The following BANK1 variants were observed in gnomAD, a reference collection of about 807,000 sequenced individuals.
BANK1 encodes the protein B cell scaffold protein with ankyrin repeats 1.
BANK1 carries 95 observed loss-of-function variants against 94.5 expected under a neutral mutation model. That is an observed-to-expected ratio of 1.00 (90% confidence interval 0.85 to 1.19). BANK1 has a LOEUF of 1.19. Ranked by LOEUF, BANK1 falls within the 50% of genes most tolerant of loss-of-function variation. The pLI, the probability that BANK1 is intolerant of heterozygous loss-of-function variation, is 0.00. For synonymous variants in BANK1, 334 were observed against 308.4 expected (o/e 1.08, Z -0.87); for missense variants, 987 against 932.2 (o/e 1.06, Z -0.77).
chr4:101,898,112 A>G (rs1228335362), intron 6 of BANK1, among the ~76,000 whole-genome samples: 2 of 151,948 alleles, frequency 1.3e-5, no homozygotes, highest in African/African-American at 4.8e-5. Context: ...AAGAATCTCC[A>G]TAACATTAAG....
At chr4:102,008,130 C>A (rs559467375) in intron 7 of BANK1, among the ~76,000 whole-genome samples, 1 of 152,190 alleles carries the variant, frequency 6.6e-6, no homozygotes, top group South Asian at 2.1e-4. Context: ...AAGATAGCAC[C>A]ATGTTGTAGT....
intron 7 of BANK1, among the ~76,000 whole-genome samples, chr4:101,988,474 C>G (rs1027427378): frequency 6.6e-6 from 1 of 152,110 alleles, no homozygotes; most frequent in Admixed American, 6.6e-5. Context: ...TTTGTTCACT[C>G]TTCTCTTTTA....
chr4:102,071,776 G>C (rs921993416), intron 14 of BANK1, among the ~76,000 whole-genome samples: 2 of 152,204 alleles, frequency 1.3e-5, no homozygotes, highest in East Asian at 1.9e-4. Flanking sequence ...GTGATGGGGG[G>C]ATTGTGTGCT....
intron 11 of BANK1, among the ~76,000 whole-genome samples, chr4:102,057,242 C>T (rs1303396612): frequency 6.6e-6 from 1 of 150,398 alleles, no homozygotes; most frequent in Non-Finnish European, 1.5e-5. Context: ...CTCTCTCTTG[C>T]TCTCTCTCTC....
intron 4 of BANK1, among the ~76,000 whole-genome samples, chr4:101,864,743 C>T (rs1728004190): frequency 6.6e-6 from 1 of 152,106 alleles, no homozygotes; most frequent in African/African-American, 2.4e-5. Context: ...TGCTTAGGTT[C>T]AACGAAGAAT....
At chr4:101,824,058 TA>T (rs1187085317) in intron 1 of BANK1, among the ~76,000 whole-genome samples, 1 of 152,236 alleles carries the variant, frequency 6.6e-6, no homozygotes, top group African/African-American at 2.4e-5. Context: ...TACAATTCAA[TA>T]CCATTGGGAC....
intron 7 of BANK1, among the ~76,000 whole-genome samples, chr4:101,946,798 G>C (rs1490246260): frequency 6.6e-6 from 1 of 151,876 alleles, no homozygotes; most frequent in African/African-American, 2.4e-5. Flanking sequence ...TAAACCTATG[G>C]AATAACAAAT....
intron 5 of BANK1, among the ~76,000 whole-genome samples, chr4:101,880,046 C>T (rs1471662385): frequency 1.3e-5 from 2 of 152,020 alleles, no homozygotes; most frequent in South Asian, 2.1e-4. Context: ...AAGATGCCCA[C>T]TTTCACCATT....
intron 7 of BANK1, among the ~76,000 whole-genome samples, chr4:101,920,341 G>A (rs1722962819): frequency 6.6e-6 from 1 of 151,904 alleles, no homozygotes; most frequent in African/African-American, 2.4e-5. Context: ...TGTGTGTTGT[G>A]CACATGTACC....
rs34539828 is a variant in BANK1, at chr4:102,021,608, T to TTA, written c.1285+28_1285+29dup. The TTA allele has an allele frequency of 0.25, 235,721 of 956,432 alleles. 26,371 individuals carry two copies. The highest frequency in any genetic ancestry group is 0.27 in the Non-Finnish European group (177,922 of 656,884). 59.2% of individuals were successfully genotyped at this position (956,432 alleles called of 1,614,324 possible). Reference sequence around the variant, plus strand: ...TATATTCCTTGTAAGTTTTTCCATGTTATATATATATATGACATATTCATA... The same window carrying TTA: ...TATATTCCTTGTAAGTTTTTCCATGTTATATATATATATATGACATATTCATA... On this transcript the variant is annotated intron_variant, in intron 8 of 16. Coordinates refer to ENST00000322953, the MANE Select transcript of BANK1 (RefSeq NM_017935.5).
At chr4:102,007,115 AT>A (rs1412527378) in intron 7 of BANK1, among the ~76,000 whole-genome samples, 1 of 33,222 alleles carries the variant, frequency 3.0e-5, no homozygotes, top group Non-Finnish European at 8.0e-5. Flanking sequence ...ATATATAAAT[AT>A]ATATTTTATA....
chr4:101,995,450 G>A (rs540972337), intron 7 of BANK1, among the ~76,000 whole-genome samples: 136 of 151,994 alleles, frequency 8.9e-4, no homozygotes, highest in Non-Finnish European at 1.8e-3. Context: ...TAATACTTTG[G>A]GTATATACCC....
In BANK1 at chr4:101,855,165, G is replaced by A; in HGVS notation, c.600G>A (p.Val200=). 6.2e-7 allele frequency: 1 copy of A among 1,613,064 alleles called. No individual in the cohort carries two copies. The highest frequency in any genetic ancestry group is 8.5e-7 in the Non-Finnish European group (1 of 1,179,328). The change falls in exon 3 of 17, where the codon GTG becomes GTA. Residue 200 remains valine (V), a synonymous_variant. Coordinates refer to ENST00000322953, the MANE Select transcript of BANK1 (RefSeq NM_017935.5). The stretch of plus-strand genomic sequence containing the variant: ...GAAACACCATACCACTAGCAGTGGT[G>A]CTTCCCACTGAAATTCCATGTGAGG... ...ASRNTIPLAV[V]LPTEIPCENP...
At position 101,944,107 on chromosome 4, in the gene BANK1, T is replaced by C. The variant is rs190990639; in HGVS notation, c.1206+25918T>C. The stretch of plus-strand genomic sequence containing the variant: ...GAGAGAAGCAGTGTGTGAATGTGTG[T>C]GTGTACAGATCCAACTGATTTAATA... On this transcript the variant is annotated intron_variant, in intron 7 of 16. Coordinates refer to ENST00000322953, the MANE Select transcript of BANK1 (RefSeq NM_017935.5). 3.2e-4 allele frequency among the ~76,000 whole-genome samples: 49 copies of C among 151,804 alleles called. No homozygotes were observed. The East Asian group carries it at 9.4e-3, about 29-fold the overall frequency.
At chr4:102,073,523 C>CTGTT (rs1728823063) in intron 15 of BANK1, among the ~76,000 whole-genome samples, 161 bp from the exon 16 acceptor site, 4 of 151,960 alleles carry the variant, frequency 2.6e-5, no homozygotes. Context: ...TACAATGATT[C>CTGTT]TGTTTCCTTT....
chr4:101,996,513 T>C (rs1725885967), intron 7 of BANK1, among the ~76,000 whole-genome samples: 1 of 152,206 alleles, frequency 6.6e-6, no homozygotes, highest in Admixed American at 6.5e-5. Flanking sequence ...ATAAATTACT[T>C]TGGGCAGTAT....
intron 7 of BANK1, among the ~76,000 whole-genome samples, chr4:101,957,081 T>C (rs1375239881): frequency 6.6e-6 from 1 of 152,200 alleles, no homozygotes; most frequent in Non-Finnish European, 1.5e-5. Context: ...TTCTATCAGT[T>C]ATAAGCTTAA....
intron 5 of BANK1, among the ~76,000 whole-genome samples, chr4:101,889,892 A>G (rs879471285): frequency 6.6e-6 from 1 of 152,118 alleles, no homozygotes; most frequent in Non-Finnish European, 1.5e-5. Flanking sequence ...ATGTATTTTT[A>G]AAATTCTGTT....
intron 2 of BANK1, among the ~76,000 whole-genome samples, chr4:101,847,736 T>TACACACACACACACACACAC (rs35196238): frequency 3.6e-4 from 53 of 145,876 alleles, no homozygotes; most frequent in African/African-American, 1.3e-3. Flanking sequence ...TATTCCATCA[T>TACACACACACACACACACAC]ACACACACAC....
Sources: allele counts gnomAD v4.1 joint callset (sites outside exome capture counted in the v4.1 genomes callset), GRCh38; gene constraint gnomAD v4.1.1; transcripts MANE v1.5; gene names NCBI Gene and HGNC (gene_info 2026-07-23, HGNC 2026-07-21).